Variants in DDX60L observed in about 807,000 individuals in gnomAD.
DDX60L encodes the protein DExD/H-box 60 like, also known as probable ATP-dependent RNA helicase DDX60-like.
DDX60L carries 191 observed loss-of-function variants against 211.6 expected under a neutral mutation model. The ratio of observed to expected loss-of-function variants is 0.90; its 90% confidence interval spans 0.80 to 1.02. The LOEUF (loss-of-function observed/expected upper bound fraction) is 1.02, where lower values mean the gene tolerates loss of function less well. Among genes scored for constraint, DDX60L ranks in the 50% least tolerant of loss-of-function variants. DDX60L has a pLI of 0.00. For synonymous variants in DDX60L, 706 were observed against 694.1 expected (o/e 1.02, Z -0.27); for missense variants, 2,007 against 1,984.1 (o/e 1.01, Z -0.22).
intron 35 of DDX60L, among the ~76,000 whole-genome samples, chr4:168,373,379 C>G (rs1352200399): frequency 6.6e-6 from 1 of 151,914 alleles, no homozygotes; most frequent in Non-Finnish European, 1.5e-5. Flanking sequence ...AAATGTGAGC[C>G]GCTTTCTTTT....
At chr4:168,424,701 C>G (rs978876566) in intron 14 of DDX60L, among the ~76,000 whole-genome samples, 2 of 152,034 alleles carry the variant, frequency 1.3e-5, no homozygotes, top group African/African-American at 4.8e-5. Flanking sequence ...TTGAAGGACA[C>G]ACAGAATTTA....
At chr4:168,404,840 C>T (rs1747460542) in intron 24 of DDX60L, among the ~76,000 whole-genome samples, 1 of 152,036 alleles carries the variant, frequency 6.6e-6, no homozygotes, top group African/African-American at 2.4e-5. Context: ...ATAGTTATGG[C>T]TATCATGAAT....
chr4:168,461,847 A>G lies in DDX60L; in HGVS notation c.458T>C (p.Leu153Ser). ...TAGGAAGTTAAAAAGGTACGTTTGT[A>G]AATCACTCAGGCCTTCCTCTGAAAC... is the stretch of plus-strand genomic sequence containing the variant. ...LIVSEEGLSDLQTYLFNFLII... is the reference protein window; with the variant it reads ...LIVSEEGLSDSQTYLFNFLII... The change falls in exon 5 of 38, where the codon TTA becomes TCA. Residue 153 changes from leucine (L) to serine (S), a missense_variant. Transcript: ENST00000682922. 1.2e-6 allele frequency: 2 copies of G among 1,609,674 alleles called. No individual in the cohort carries two copies. Among genetic ancestry groups the G allele is most frequent in the South Asian group, 1.1e-5 (1 of 90,288 alleles).
intron 30 of DDX60L, among the ~76,000 whole-genome samples, chr4:168,381,499 T>A (rs1473801330): frequency 2.0e-5 from 3 of 152,114 alleles, no homozygotes; most frequent in African/African-American, 4.8e-5. Flanking sequence ...ATTAAAAATC[T>A]AATTTAATAA....
chr4:168,414,820 G>T (rs756127149), intron 22 of DDX60L, among the ~76,000 whole-genome samples: 7 of 151,818 alleles, frequency 4.6e-5, no homozygotes, highest in Non-Finnish European at 1.0e-4. Context: ...ACAATGGAAT[G>T]CATGGAGACA....
intron 9 of DDX60L, among the ~76,000 whole-genome samples, chr4:168,447,390 T>G (rs985466601): frequency 2.0e-5 from 3 of 147,042 alleles, no homozygotes; most frequent in Non-Finnish European, 4.5e-5. Context: ...CAACAGGTGC[T>G]GGAGAGGATG....
intron 29 of DDX60L, among the ~76,000 whole-genome samples, chr4:168,387,680 G>C (rs1744138141): frequency 6.6e-6 from 1 of 152,198 alleles, no homozygotes; most frequent in South Asian, 2.1e-4. Context: ...GAAATCTGAG[G>C]ACACCACTGC....
chr4:168,435,485 A>G (rs1453334089), intron 10 of DDX60L, among the ~76,000 whole-genome samples: 1 of 152,230 alleles, frequency 6.6e-6, no homozygotes, highest in Non-Finnish European at 1.5e-5. Flanking sequence ...GGAAATTGCC[A>G]GTAGATTCCT....
rs773582062 is a variant in DDX60L, at chr4:168,400,941, C to T, written c.3376G>A (p.Val1126Met). ...TCTGTCTTCTCCAGAAAAGTGCACA[C>T]ACTTCCAGCTCTTTTTCCCACATCA... ...NDDVGKRAGS[V>M]CTFLEKTETK... Residue 1126 changes from valine to methionine, a missense_variant, in exon 26 of 38, where the codon GTG becomes ATG. By Grantham distance (21) the Val-to-Met change is conservative. Coordinates refer to ENST00000682922, the MANE Select transcript of DDX60L (RefSeq NM_001012967.3). 2.5e-6 allele frequency: 4 copies of T among 1,613,774 alleles called. No individual in the cohort carries two copies. Among genetic ancestry groups the T allele is most frequent in the Non-Finnish European group, 3.4e-6 (4 of 1,179,840 alleles).
At chr4:168,428,588 G>A (rs1381297197) in intron 13 of DDX60L, among the ~76,000 whole-genome samples, 4 of 152,080 alleles carry the variant, frequency 2.6e-5, no homozygotes, top group African/African-American at 7.2e-5. Flanking sequence ...GCCATGATAA[G>A]TGCCATTGGT....
intron 26 of DDX60L, among the ~76,000 whole-genome samples, chr4:168,397,609 G>A (rs1746030416): frequency 1.3e-5 from 2 of 152,194 alleles, no homozygotes; most frequent in African/African-American, 4.8e-5. Flanking sequence ...TTCAGATGGT[G>A]GAGAGCAATT....
chr4:168,381,954 C>T (rs1483820993), intron 30 of DDX60L, among the ~76,000 whole-genome samples: 1 of 152,018 alleles, frequency 6.6e-6, no homozygotes, highest in Non-Finnish European at 1.5e-5. Flanking sequence ...TAATCAAAAC[C>T]AAGAATGGGG....
chr4:168,363,713 G>GA (rs1326348773), intron 36 of DDX60L, among the ~76,000 whole-genome samples: 1 of 151,752 alleles, frequency 6.6e-6, no homozygotes, highest in Admixed American at 6.6e-5. Context: ...ACACAAATGA[G>GA]AAAAAAGAAG....
intron 37 of DDX60L, among the ~76,000 whole-genome samples, chr4:168,358,641 T>C (rs778915612): frequency 6.6e-6 from 1 of 150,648 alleles, no homozygotes; most frequent in Non-Finnish European, 1.5e-5. Flanking sequence ...CAAGCAATTC[T>C]CTGCCTCAGC....
chr4:168,393,526 G>A (rs1011196348), intron 28 of DDX60L, among the ~76,000 whole-genome samples: 7 of 151,908 alleles, frequency 4.6e-5, no homozygotes, highest in Non-Finnish European at 8.8e-5. Flanking sequence ...TAAATACCCT[G>A]AATAGTGTAA....
intron 28 of DDX60L, 76 bp downstream of exon 28, chr4:168,394,389 A>AT: frequency 3.3e-6 from 4 of 1,229,014 alleles, no homozygotes; most frequent in Non-Finnish European, 3.3e-6. Context: ...AACTGGTATA[A>AT]TTTTTTACCT....
At chr4:168,413,106 C>T (rs908061695) in intron 22 of DDX60L, among the ~76,000 whole-genome samples, 7 of 152,166 alleles carry the variant, frequency 4.6e-5, no homozygotes, top group Non-Finnish European at 1.0e-4. Context: ...ACAATAAATG[C>T]CTAACTACTT....
At chr4:168,459,499 C>A (rs1212265062) in intron 5 of DDX60L, among the ~76,000 whole-genome samples, 1 of 152,054 alleles carries the variant, frequency 6.6e-6, no homozygotes, top group East Asian at 1.9e-4. Flanking sequence ...CGCCTGCAAT[C>A]CCAGCACTTT....
At chr4:168,426,760 C>T (rs565027150) in intron 14 of DDX60L, among the ~76,000 whole-genome samples, 4 of 152,308 alleles carry the variant, frequency 2.6e-5, no homozygotes, top group African/African-American at 9.6e-5. Flanking sequence ...GTTGCTGCTG[C>T]TGAGCCTCAC....
Sources: gnomAD v4.1 joint callset for allele counts (sites outside exome capture counted in the v4.1 genomes callset) on GRCh38, gnomAD v4.1.1 for gene constraint, MANE v1.5 for transcripts, NCBI Gene and HGNC (gene_info 2026-07-23, HGNC 2026-07-21) for gene names.